The following TECTA variants were observed in gnomAD, a reference collection of about 807,000 sequenced individuals.
TECTA encodes the protein alpha-tectorin.
TECTA carries 128 observed loss-of-function variants against 216.8 expected under a neutral mutation model. The observed-to-expected ratio is 0.59, with a 90% CI of 0.51 to 0.68. The LOEUF (loss-of-function observed/expected upper bound fraction) is 0.68, where lower values mean the gene tolerates loss of function less well. Ranked by LOEUF, TECTA falls within the 30% of genes least tolerant of loss-of-function variation. The pLI is 0.00. For missense variants in TECTA, 2,551 were observed against 2,786.2 expected (o/e 0.92, Z 1.90); for synonymous variants, 1,089 against 1,117.1 (o/e 0.97, Z 0.50).
intron 4 of TECTA, chr11:121,109,904 A>T: frequency 9.7e-6 from 2 of 206,764 alleles, no homozygotes; most frequent in Non-Finnish European, 2.0e-5. Flanking sequence ...TCCATCCCTG[A>T]TTTCCTCCCT....
At chr11:121,116,495 G>C (rs923764134) in intron 6 of TECTA, among the ~76,000 whole-genome samples, 2 of 152,242 alleles carry the variant, frequency 1.3e-5, no homozygotes, top group African/African-American at 4.8e-5. Flanking sequence ...GAGTTGGTCA[G>C]ATGCCAGCTG....
chr11:121,166,196 T>A (rs756013289), intron 17 of TECTA, among the ~76,000 whole-genome samples: 4 of 152,208 alleles, frequency 2.6e-5, no homozygotes, highest in Non-Finnish European at 5.9e-5. Flanking sequence ...TCAGATGTGG[T>A]CTGGCCAGTG....
intron 2 of TECTA, among the ~76,000 whole-genome samples, chr11:121,104,012 G>A (rs778930784): frequency 2.6e-5 from 4 of 152,058 alleles, no homozygotes; most frequent in Non-Finnish European, 5.9e-5. Context: ...TCCTCCATGC[G>A]GTATTATGGG....
intron 20 of TECTA, among the ~76,000 whole-genome samples, chr11:121,185,232 A>G (rs1250176099): frequency 6.6e-6 from 1 of 152,178 alleles, no homozygotes; most frequent in African/African-American, 2.4e-5. Flanking sequence ...TCTTGGAGGG[A>G]TGTGATTATT....
At chr11:121,122,672 C>CAAAAAAAAAA (rs33994765) in intron 7 of TECTA, among the ~76,000 whole-genome samples, 1 of 48,928 alleles carries the variant, frequency 2.0e-5, no homozygotes, top group African/African-American at 1.0e-4. Context: ...CCTGTCTCTC[C>CAAAAAAAAAA]AAAAAAAAAA....
At chr11:121,128,977 GT>G (rs1205765149) in intron 9 of TECTA, among the ~76,000 whole-genome samples, 1 of 152,208 alleles carries the variant, frequency 6.6e-6, no homozygotes, top group Non-Finnish European at 1.5e-5. Flanking sequence ...TACTAAAAGG[GT>G]AAGTGAAGGT....
rs1414634104 is a variant in TECTA at position 121,118,374 on chromosome 11, G to A, written c.859G>A (p.Asp287Asn). The change falls in exon 7 of 24, where the codon GAT becomes AAT. Residue 287 changes from aspartate (D) to asparagine (N), a missense_variant. Around this residue, in one of 3 missense-constraint regions of TECTA, gnomAD observed 2,375 missense variants for 2,563.9 expected, o/e 0.93. Coordinates refer to ENST00000392793, the MANE Select transcript of TECTA (RefSeq NM_005422.4). ...CTGCACCGTCAAGTGCCGCTGTCTG[G>A]ATTTCAACAATGAGATCTACTGCCA... ...LNCTVKCRCL[D>N]FNNEIYCQEA... 6.2e-7 allele frequency: 1 copy of A among 1,614,148 alleles called. No individual in the cohort carries two copies. Among genetic ancestry groups the A allele is most frequent in the East Asian group, 2.2e-5 (1 of 44,882 alleles).
chr11:121,167,856 A>G (rs1446666622), intron 18 of TECTA, among the ~76,000 whole-genome samples, 198 bp from the exon 19 acceptor site: 2 of 152,226 alleles, frequency 1.3e-5, no homozygotes, highest in Non-Finnish European at 1.5e-5. Flanking sequence ...ATCAGACTGA[A>G]GGGTGCTGCT....
chr11:121,122,385 C>A (rs1191621226), intron 7 of TECTA, among the ~76,000 whole-genome samples: 1 of 152,182 alleles, frequency 6.6e-6, no homozygotes, highest in Admixed American at 6.5e-5. Flanking sequence ...ATCTGCTAGC[C>A]CCCTGACCTT....
chr11:121,123,210 C>A (rs1253706325), intron 7 of TECTA, among the ~76,000 whole-genome samples: 1 of 152,200 alleles, frequency 6.6e-6, no homozygotes, highest in East Asian at 1.9e-4. Flanking sequence ...TAAGACAAGT[C>A]ATTCCATTCC....
At chr11:121,132,703 C>T (rs1206327328) in intron 10 of TECTA, among the ~76,000 whole-genome samples, 1 of 152,122 alleles carries the variant, frequency 6.6e-6, no homozygotes, top group Non-Finnish European at 1.5e-5. Flanking sequence ...TCCAATACCG[C>T]AGAGTTTTCT....
Position 121,160,223 on chromosome 11 carries a change from G to A in TECTA, c.4778G>A (p.Ser1593Asn). Residue 1593 changes from serine to asparagine, a missense_variant, in exon 15 of 24, where the codon AGC becomes AAC. Ser to Asn is a conservative substitution (Grantham distance 46). Transcript: ENST00000392793. ...SSEGFLVIDT[S>N]PDIQIYYNGF... Reference sequence around the variant, plus strand: ...GAGGGGTTTCTGGTGATTGACACCAGCCCAGACATCCAGATATACTACAAT... The same window carrying A: ...GAGGGGTTTCTGGTGATTGACACCAACCCAGACATCCAGATATACTACAAT... The A allele has an allele frequency of 6.2e-7, 1 of 1,614,164 alleles. No homozygotes were observed. Among genetic ancestry groups the A allele is most frequent in the South Asian group, 1.1e-5 (1 of 91,078 alleles).
chr11:121,147,973 C>T (rs1565530113), intron 12 of TECTA, among the ~76,000 whole-genome samples: 1 of 152,128 alleles, frequency 6.6e-6, no homozygotes, highest in Non-Finnish European at 1.5e-5. Context: ...CACAACCTTA[C>T]CCCCAAGGAA....
intron 7 of TECTA, among the ~76,000 whole-genome samples, chr11:121,123,309 C>T (rs1192012668): frequency 1.3e-5 from 2 of 152,232 alleles, no homozygotes; most frequent in Non-Finnish European, 2.9e-5. Flanking sequence ...TATCAAGCCA[C>T]TTACTCACCC....
rs1946421986 is a variant in TECTA, at chr11:121,109,327, T to C, written c.315T>C (p.Asn105=). 6 of 1,614,100 alleles carry C rather than the reference T, an allele frequency of 3.7e-6. No individual in the cohort carries two copies. Among genetic ancestry groups the C allele is most frequent in the Non-Finnish European group, 5.1e-6 (6 of 1,180,020 alleles). ...FVAPFWADVH[N]GIRGEIYYRE... The stretch of plus-strand genomic sequence containing the variant: ...CCCCATTTTGGGCAGATGTGCACAA[T>C]GGAATTCGAGGCGAGATCTATTACA... Residue 105 remains asparagine (N), a synonymous_variant, in exon 4 of 24, where the codon AAT becomes AAC. Transcript: ENST00000392793.
chr11:121,137,197 TACAC>T, intron 10 of TECTA, among the ~76,000 whole-genome samples: 1 of 151,752 alleles, frequency 6.6e-6, no homozygotes, highest in East Asian at 2.0e-4. Context: ...CACTCATACG[TACAC>T]ACACGCACTC....
intron 15 of TECTA, among the ~76,000 whole-genome samples, chr11:121,161,498 GT>G (rs1170146102): frequency 7.5e-6 from 1 of 133,532 alleles, no homozygotes; most frequent in Non-Finnish European, 1.6e-5. Flanking sequence ...TTATGATTCT[GT>G]TTGGATTTGG....
intron 20 of TECTA, among the ~76,000 whole-genome samples, chr11:121,180,813 CTTT>C (rs34807486): frequency 0.013 from 1,589 of 119,952 alleles, 30 homozygotes; most frequent in African/African-American, 0.045. Context: ...TTTCTTATTC[CTTT>C]TTTTTTTTTT....
Position 121,191,203 on chromosome 11 carries a change from C to G in TECTA, c.*397C>G, listed in dbSNP as rs537301312. 3 of 304,626 alleles carry G rather than the reference C, an allele frequency of 9.8e-6. No homozygotes were observed. The highest frequency in any genetic ancestry group is 1.9e-5 in the Non-Finnish European group (3 of 159,092). The allele number at this position is 304,626 out of a possible 1,614,324, so 18.9% of individuals were successfully genotyped here. On this transcript the variant is annotated 3_prime_UTR_variant, in exon 24 of 24. Coordinates refer to ENST00000392793, the MANE Select transcript of TECTA (RefSeq NM_005422.4). ...TTTACAGAGAGAGGGCCTGTTGGAACGATTTTGAAGTGATGACTGGAAGGT... is the reference window on the plus strand; with the variant it reads ...TTTACAGAGAGAGGGCCTGTTGGAAGGATTTTGAAGTGATGACTGGAAGGT...
Sources: gnomAD v4.1 joint callset for allele counts (sites outside exome capture counted in the v4.1 genomes callset) on GRCh38, gnomAD v4.1.1 for gene constraint, gnomAD v4.1.1 regional missense constraint, MANE v1.5 for transcripts, NCBI Gene and HGNC (gene_info 2026-07-23, HGNC 2026-07-21) for gene names.